WDR72: variants seen among roughly 807,000 people sequenced by gnomAD.
The protein encoded by WDR72 is WD repeat domain 72, also known as WD repeat-containing protein 72.
Under a neutral mutation model 124.2 loss-of-function variants are expected in WDR72, and 120 were observed. The ratio of observed to expected loss-of-function variants is 0.97; its 90% CI spans 0.83 to 1.12. WDR72 has a LOEUF of 1.12. Among genes scored for constraint, WDR72 ranks in the 50% most tolerant of loss-of-function variants. WDR72 has a pLI of 0.00. For missense variants in WDR72, 1,387 were observed against 1,278.8 expected, an observed-to-expected ratio of 1.08 and a Z score of -1.29; for synonymous variants, 452 against 441.7, an observed-to-expected ratio of 1.02 and a Z score of -0.29.
Position 53,699,830 on chromosome 15 carries a change from A to C in WDR72, c.1685T>G (p.Met562Arg). ...HARKHLFPVR[M>R]IKWHPVENFL... ...ATTCTCAACCGGGTGCCATTTTATC[A>C]TCCTCACAGGAAAAAGGTGCTTCCG... is the stretch of plus-strand genomic sequence containing the variant. Residue 562 changes from methionine to arginine, a missense_variant, in exon 13 of 20, where the codon ATG (methionine) becomes AGG (arginine). Transcript: ENST00000360509. The C allele has an allele frequency of 1.2e-6, 2 of 1,614,184 alleles. No individual in the cohort carries two copies. The highest frequency in any genetic ancestry group is 1.7e-6 in the Non-Finnish European group (2 of 1,180,024).
At chr15:53,551,881 C>T (rs1383890834) in intron 18 of WDR72, among the ~76,000 whole-genome samples, 1 of 152,012 alleles carries the variant, frequency 6.6e-6, no homozygotes, top group African/African-American at 2.4e-5. Context: ...CACACAAACA[C>T]ACGCACATGT....
chr15:53,538,889 G>A (rs1451108889), intron 18 of WDR72, among the ~76,000 whole-genome samples: 1 of 152,072 alleles, frequency 6.6e-6, no homozygotes, highest in Non-Finnish European at 1.5e-5. Flanking sequence ...TTAGATATAA[G>A]TAGTGCCTTG....
At chr15:53,584,146 G>A (rs1031184711) in intron 18 of WDR72, among the ~76,000 whole-genome samples, 1 of 151,856 alleles carries the variant, frequency 6.6e-6, no homozygotes, top group African/African-American at 2.4e-5. Flanking sequence ...TCAATAAATG[G>A]TAAACGATTA....
intron 14 of WDR72, among the ~76,000 whole-genome samples, chr15:53,643,192 C>T (rs1031724332): frequency 1.3e-5 from 2 of 151,906 alleles, no homozygotes; most frequent in Non-Finnish European, 2.9e-5. Context: ...ACTATTTAGC[C>T]TAAATAATAG....
At chr15:53,637,445 A>G (rs1477194987) in intron 14 of WDR72, among the ~76,000 whole-genome samples, 13 of 152,186 alleles carry the variant, frequency 8.5e-5, no homozygotes. Context: ...GTAATAGAGT[A>G]TATTTTAAAA....
intron 18 of WDR72, 25 bp downstream of exon 18, chr15:53,597,054 G>A: frequency 6.2e-7 from 1 of 1,609,430 alleles, no homozygotes. Flanking sequence ...TGTTGAAAGA[G>A]TATACCAATA....
intron 14 of WDR72, among the ~76,000 whole-genome samples, chr15:53,625,056 T>C (rs1400396619): frequency 6.6e-6 from 1 of 152,220 alleles, no homozygotes; most frequent in Non-Finnish European, 1.5e-5. Context: ...AAAAGTAGCA[T>C]GCTAAAAGCA....
In WDR72 at chr15:53,514,706, G is replaced by A. The variant is rs988821499; in HGVS notation, c.*2993C>T. Reference sequence around the variant, plus strand: ...ACCTGGGGCTACTTTTTAACTGTGTGTTTCTAACATTATACATTTTTCCTT... The same window carrying A: ...ACCTGGGGCTACTTTTTAACTGTGTATTTCTAACATTATACATTTTTCCTT... On this transcript the variant is annotated 3_prime_UTR_variant, in exon 20 of 20. Coordinates refer to ENST00000360509, the MANE Select transcript of WDR72 (RefSeq NM_182758.4). 1 of 152,006 alleles carries A rather than the reference G, an allele frequency of 6.6e-6. No individual in the cohort carries two copies. The highest frequency in any genetic ancestry group is 2.4e-5 in the African/African-American group (1 of 41,386). The allele number at this position is 152,006 out of a possible 1,614,324, so 9.4% of individuals were successfully genotyped here. A position where few individuals can be genotyped will look rare whatever the true frequency, so the allele number is the denominator to read the frequency against.
At position 53,548,846 on chromosome 15, in the gene WDR72, G is replaced by A. The variant is rs182630474; in HGVS notation, c.3149-25524C>T. ...ACATGTTTAGAATTCAGAGTCAACA[G>A]AGAGAGATTAGCATAGACAGCAATG... On this transcript the variant is annotated intron_variant, in intron 18 of 19. Coordinates refer to ENST00000360509, the MANE Select transcript of WDR72 (RefSeq NM_182758.4). Among the ~76,000 whole-genome samples, 10 of 152,268 alleles carry A rather than the reference G, an allele frequency of 6.6e-5. No homozygotes were observed. In the East Asian group the frequency reaches 1.7e-3, roughly 27 times the overall value.
intron 13 of WDR72, among the ~76,000 whole-genome samples, chr15:53,695,643 G>A (rs1484321243): frequency 6.6e-6 from 1 of 152,136 alleles, no homozygotes; most frequent in East Asian, 1.9e-4. Flanking sequence ...AGGGCCCTCA[G>A]TGTCACATAA....
upstream of WDR72, among the ~76,000 whole-genome samples, chr15:53,761,054 G>A (rs1038983290): frequency 1.3e-5 from 2 of 152,128 alleles, no homozygotes; most frequent in African/African-American, 4.8e-5. Flanking sequence ...AACCCGAGAG[G>A]TGGAGGCTGC....
In WDR72 at chr15:53,733,014, G is replaced by A; in HGVS notation, c.136C>T (p.Leu46Phe). ...TCACTAACCTTTAGTTCATGTGAGA[G>A]ATTCCAGAGACAGAGCTGACCCTCT... The part of the protein sequence containing the change: ...SQEGQLCLWN[L>F]SHELKISAKE... Residue 46 changes from leucine to phenylalanine, a missense_variant, in exon 2 of 20, where the codon CTC (leucine) becomes TTC (phenylalanine). Physicochemically the swap from Leu to Phe is conservative, Grantham distance 22. Coordinates refer to ENST00000360509, the MANE Select transcript of WDR72 (RefSeq NM_182758.4). The A allele has an allele frequency of 3.1e-6, 5 of 1,614,052 alleles. No homozygotes were observed. In the South Asian group the frequency reaches 5.5e-5, roughly 18 times the overall value.
intron 14 of WDR72, among the ~76,000 whole-genome samples, chr15:53,647,122 G>T (rs1262001785): frequency 6.6e-6 from 1 of 151,980 alleles, no homozygotes; most frequent in Non-Finnish European, 1.5e-5. Context: ...AAACAGATTA[G>T]AAAATCATAT....
Position 53,706,167 on chromosome 15 carries a change from A to G in WDR72, c.955-93T>C, listed in dbSNP as rs1435469114. 1.8e-5 allele frequency: 24 copies of G among 1,322,930 alleles called. No homozygotes were observed. The Admixed American group carries it at 4.7e-4, about 26-fold the overall frequency. 81.9% of individuals were successfully genotyped at this position (1,322,930 alleles called of 1,614,324 possible). A position where few individuals can be genotyped will look rare whatever the true frequency, so the allele number is the denominator to read the frequency against. On this transcript the variant is annotated intron_variant, in intron 9 of 19. Transcript: ENST00000360509. ...TGGAGAAACAAGACTTAATAACTGA[A>G]TAAATCTTTTCAATTTATTTCCCAC...
chr15:53,736,604 A>G (rs971161454), intron 1 of WDR72, among the ~76,000 whole-genome samples: 2 of 152,204 alleles, frequency 1.3e-5, no homozygotes, highest in Admixed American at 1.3e-4. Flanking sequence ...CAAGGAGGAT[A>G]GGAAGGCATG....
intron 14 of WDR72, among the ~76,000 whole-genome samples, chr15:53,625,375 A>T (rs2014163167): frequency 6.6e-6 from 1 of 152,346 alleles, no homozygotes; most frequent in East Asian, 1.9e-4. Flanking sequence ...TTCCTCAAAA[A>T]TCATCACTTT....
At chr15:53,662,073 A>T (rs1380618098) in intron 14 of WDR72, among the ~76,000 whole-genome samples, 1 of 152,182 alleles carries the variant, frequency 6.6e-6, no homozygotes, top group African/African-American at 2.4e-5. Flanking sequence ...AGATTTCTGC[A>T]ATATATAGAT....
At chr15:53,673,151 A>C (rs1038760369) in intron 13 of WDR72, among the ~76,000 whole-genome samples, 3 of 150,960 alleles carry the variant, frequency 2.0e-5, no homozygotes, top group Middle Eastern at 3.4e-3. Context: ...AAAAGAAAAG[A>C]AACTTGTTTT....
At chr15:53,611,339 G>C (rs1190577641) in intron 16 of WDR72, among the ~76,000 whole-genome samples, 1 of 152,064 alleles carries the variant, frequency 6.6e-6, no homozygotes, top group Non-Finnish European at 1.5e-5. Context: ...TGATTCTATA[G>C]TAACAGTAGC....
Sources: gnomAD v4.1 joint callset for allele counts (sites outside exome capture counted in the v4.1 genomes callset) on GRCh38, gnomAD v4.1.1 for gene constraint, MANE v1.5 for transcripts, NCBI Gene and HGNC (gene_info 2026-07-23, HGNC 2026-07-21) for gene names.